Variants in LAMP3 observed in about 807,000 individuals in gnomAD.
The protein encoded by LAMP3 is lysosome-associated membrane glycoprotein 3.
Under a neutral mutation model 34.8 loss-of-function variants are expected in LAMP3, and 26 were observed. The ratio of observed to expected loss-of-function variants is 0.75; its 90% CI spans 0.55 to 1.04. LAMP3 has a LOEUF of 1.04. LAMP3 is among the 50% of genes least tolerant of loss of function. The probability of loss-of-function intolerance (pLI) is 0.00; values close to 1 mark genes in which losing one functional copy is unlikely to be tolerated. For missense variants in LAMP3, 495 were observed against 524.0 expected, an observed-to-expected ratio of 0.94 and a Z score of 0.54; for synonymous variants, 180 against 201.9, an observed-to-expected ratio of 0.89 and a Z score of 0.92.
intron 3 of LAMP3, among the ~76,000 whole-genome samples, chr3:183,145,991 G>A (rs141776319): frequency 2.0e-5 from 3 of 152,182 alleles, no homozygotes; most frequent in East Asian, 3.9e-4. Context: ...ACTAATAAAC[G>A]AGTTGATAAA....
chr3:183,126,534 ATGTGTG>A (rs111747229), intron 5 of LAMP3, among the ~76,000 whole-genome samples: 1,681 of 149,694 alleles, frequency 0.011, 25 homozygotes, highest in African/African-American at 0.036. Flanking sequence ...TCCTCTGTGA[ATGTGTG>A]TGTGTGTGTG....
In LAMP3 at chr3:183,154,120, G is replaced by C. The variant is rs1297247073; in HGVS notation, c.321C>G (p.Thr107=). Residue 107 remains threonine, a synonymous_variant, in exon 2 of 6, where the codon ACC becomes ACG. Transcript: ENST00000265598. ...TGTGTGAGTTGTTGGGTGTGGCCTG[G>C]GTTGTGACCAGGGTGTAGGTAATTG... is the stretch of plus-strand genomic sequence containing the variant. ...TSPITYTLVT[T]QATPNNSHTA... 1.2e-6 allele frequency: 2 copies of C among 1,614,166 alleles called. No homozygotes were observed. The highest frequency in any genetic ancestry group is 1.7e-6 in the Non-Finnish European group (2 of 1,180,032).
At position 183,137,508 on chromosome 3, in the gene LAMP3, T is replaced by C. The variant is rs781414502; in HGVS notation, c.947-1621A>G. On this transcript the variant is annotated intron_variant, in intron 4 of 5. Transcript: ENST00000265598. ...GTTACAGTAAGGAATAGTCCCACGA[T>C]GAATTAACAAGGTGGCATTAATGCC... is the stretch of plus-strand genomic sequence containing the variant. 1.3e-3 allele frequency among the ~76,000 whole-genome samples: 202 copies of C among 152,258 alleles called. 5 individuals carry two copies. The Middle Eastern group carries it at 0.058, about 44-fold the overall frequency.
intron 3 of LAMP3, among the ~76,000 whole-genome samples, chr3:183,141,826 T>C (rs1038145838): frequency 2.0e-5 from 3 of 152,220 alleles, no homozygotes; most frequent in Admixed American, 1.3e-4. Flanking sequence ...TTGCCTTATT[T>C]AATCCTCACA....
chr3:183,162,252 A>G (rs1335178570), intron 1 of LAMP3, among the ~76,000 whole-genome samples: 1 of 151,980 alleles, frequency 6.6e-6, no homozygotes, highest in African/African-American at 2.4e-5. Flanking sequence ...CTGTCAGACC[A>G]CATCTGATGC....
intron 3 of LAMP3, among the ~76,000 whole-genome samples, chr3:183,147,822 A>G (rs1366434112): frequency 6.6e-6 from 1 of 152,134 alleles, no homozygotes; most frequent in Admixed American, 6.5e-5. Flanking sequence ...TCAAGCAATC[A>G]TCCCACCTCA....
intron 2 of LAMP3, 136 bp from the exon 3 acceptor site, chr3:183,152,639 A>G (rs963745295): frequency 1.1e-5 from 8 of 705,510 alleles, no homozygotes; most frequent in African/African-American, 1.1e-4. Context: ...TCCCCAGACA[A>G]CACCTCTCGT....
At chr3:183,127,633 T>G (rs1576867508) in intron 5 of LAMP3, among the ~76,000 whole-genome samples, 1 of 152,352 alleles carries the variant, frequency 6.6e-6, no homozygotes, top group Middle Eastern at 3.4e-3. Context: ...GAAAAATGTT[T>G]TAAAAACTTT....
At chr3:183,147,237 C>T (rs570028394) in intron 3 of LAMP3, among the ~76,000 whole-genome samples, 9 of 96,466 alleles carry the variant, frequency 9.3e-5, no homozygotes, top group Admixed American at 4.6e-4. Context: ...AGTGAGACCC[C>T]GTCTAAAAAC....
At chr3:183,149,477 G>A (rs533422970) in intron 3 of LAMP3, among the ~76,000 whole-genome samples, 2 of 145,884 alleles carry the variant, frequency 1.4e-5, no homozygotes, top group Non-Finnish European at 3.0e-5. Context: ...CCTGAGAGGC[G>A]GAGGTTGCAG....
In LAMP3 at chr3:183,124,688, C is replaced by T. The variant is rs758667580; in HGVS notation, c.1118-474G>A. On this transcript the variant is annotated intron_variant, in intron 5 of 5. Transcript: ENST00000265598. ...TCTCTACTAAGAATACAAAATTAGC[C>T]GGGCGTGGTGGCACATGCCTGTAAT... Among the ~76,000 whole-genome samples the T allele has an allele frequency of 4.3e-4, 65 of 151,972 alleles. 1 individual carries two copies. The highest frequency in any genetic ancestry group is 7.9e-4 in the Non-Finnish European group (54 of 68,006).
intron 3 of LAMP3, among the ~76,000 whole-genome samples, chr3:183,141,941 CT>C (rs1478567689): frequency 6.6e-6 from 1 of 152,202 alleles, no homozygotes; most frequent in Non-Finnish European, 1.5e-5. Flanking sequence ...CAAGTCTAGC[CT>C]TTAACGTCTC....
chr3:183,141,133 GTTC>G (rs1191686522), intron 3 of LAMP3, among the ~76,000 whole-genome samples: 3 of 152,170 alleles, frequency 2.0e-5, no homozygotes, highest in African/African-American at 7.2e-5. Flanking sequence ...GTGTGTACAT[GTTC>G]TTATGTAGGG....
chr3:183,159,149 T>C (rs1007500124), intron 1 of LAMP3, among the ~76,000 whole-genome samples: 1 of 152,176 alleles, frequency 6.6e-6, no homozygotes, highest in Admixed American at 6.5e-5. Context: ...TACCTCAGAC[T>C]CCCAAAGTGC....
chr3:183,133,856 G>T (rs1400624234), intron 5 of LAMP3, among the ~76,000 whole-genome samples: 2 of 152,154 alleles, frequency 1.3e-5, no homozygotes, highest in African/African-American at 2.4e-5. Flanking sequence ...TCTTTTACAA[G>T]GCTCAGCTTT....
intron 5 of LAMP3, among the ~76,000 whole-genome samples, chr3:183,128,383 T>C (rs1389396589): frequency 6.6e-6 from 1 of 152,168 alleles, no homozygotes; most frequent in African/African-American, 2.4e-5. Context: ...TTTTTTGATA[T>C]AACATATTTT....
At chr3:183,138,451 G>A (rs1210068203) in intron 4 of LAMP3, among the ~76,000 whole-genome samples, 1 of 152,172 alleles carries the variant, frequency 6.6e-6, no homozygotes, top group Non-Finnish European at 1.5e-5. Context: ...GCTAGTCAAA[G>A]GATAGAGCTT....
intron 4 of LAMP3, among the ~76,000 whole-genome samples, chr3:183,138,367 G>C (rs1392710834): frequency 6.6e-6 from 1 of 152,128 alleles, no homozygotes; most frequent in Non-Finnish European, 1.5e-5. Flanking sequence ...ATTTTAAGTA[G>C]ACATTACTCC....
chr3:183,157,505 T>G (rs901945634), intron 1 of LAMP3, among the ~76,000 whole-genome samples: 2 of 152,234 alleles, frequency 1.3e-5, no homozygotes, highest in African/African-American at 4.8e-5. Context: ...CCCCATTAGA[T>G]TCATACTATT....
Sources: gnomAD v4.1 joint callset for allele counts (sites outside exome capture counted in the v4.1 genomes callset) on GRCh38, gnomAD v4.1.1 for gene constraint, MANE v1.5 for transcripts, NCBI Gene and HGNC (gene_info 2026-07-23, HGNC 2026-07-21) for gene names.